Variants in FOXK1 observed in about 807,000 individuals in gnomAD.
FOXK1 encodes forkhead box protein K1.
FOXK1 carries 19 observed loss-of-function variants against 51.9 expected under a neutral mutation model. That is an observed-to-expected ratio of 0.37 (90% CI 0.26 to 0.54). FOXK1 has a LOEUF of 0.54. Ranked by LOEUF, FOXK1 falls within the 20% of genes least tolerant of loss-of-function variation. The pLI is 0.87. For missense variants in FOXK1, 870 were observed against 1,032.7 expected (o/e 0.84, Z 2.16); for synonymous variants, 537 against 482.6 (o/e 1.11, Z -1.48).
At chr7:4,719,814 C>A (rs1246494227) in intron 1 of FOXK1, among the ~76,000 whole-genome samples, 1 of 152,104 alleles carries the variant, frequency 6.6e-6, no homozygotes, top group East Asian at 1.9e-4. Flanking sequence ...GCTTATTTAC[C>A]ATCTGCAGAG....
chr7:4,706,842 C>A (rs796112411), intron 1 of FOXK1, among the ~76,000 whole-genome samples: 1 of 152,096 alleles, frequency 6.6e-6, no homozygotes, highest in Non-Finnish European at 1.5e-5. Context: ...GCCCGGATGC[C>A]GACCCCCAAT....
rs1583210955 is a variant in FOXK1 at position 4,755,107 on chromosome 7, C to G, written c.904-130C>G. ...GCACATTAATGGGATAGTTGGAGGG[C>G]ACTGGGACGGGTGCCGGCAAGACGC... is the stretch of plus-strand genomic sequence containing the variant. On this transcript the variant is annotated intron_variant, in intron 3 of 8. Coordinates refer to ENST00000328914, the MANE Select transcript of FOXK1 (RefSeq NM_001037165.2). The surrounding 1 kb of genome is among the most constrained non-coding windows in gnomAD (Gnocchi z 6.6). The G allele has an allele frequency of 1.7e-5, 19 of 1,145,982 alleles. No homozygotes were observed. The East Asian group carries it at 4.8e-4, about 29-fold the overall frequency. The allele number at this position is 1,145,982 out of a possible 1,614,324, so 71.0% of individuals were successfully genotyped here.
intron 1 of FOXK1, among the ~76,000 whole-genome samples, chr7:4,713,769 C>T (rs564549096): frequency 2.6e-5 from 4 of 151,896 alleles, no homozygotes; most frequent in Admixed American, 2.0e-4. Flanking sequence ...GGATTACAGG[C>T]GTGAGCCACC....
rs539227370 is a variant in FOXK1 at position 4,707,751 on chromosome 7, C to T, written c.560+24883C>T. Among the ~76,000 whole-genome samples the T allele has an allele frequency of 9.2e-5, 14 of 151,694 alleles. No individual in the cohort carries two copies. In the South Asian group the frequency reaches 1.9e-3, roughly 20 times the overall value. The stretch of plus-strand genomic sequence containing the variant: ...CCAGGCTGGAGTGCAGTGGCACGAT[C>T]GTGGCTCTCTGCAACCTCCGCCTCC... On this transcript the variant is annotated intron_variant, in intron 1 of 8. Coordinates refer to ENST00000328914, the MANE Select transcript of FOXK1 (RefSeq NM_001037165.2). The surrounding 1 kb of genome is among the most constrained non-coding windows in gnomAD (Gnocchi z 4.1).
rs557241891 is a variant in FOXK1 at position 4,749,162 on chromosome 7, C to A, written c.747-5297C>A. ...AATTCTTATTTTTTAATTTGAAGAG[C>A]GTGTTCTTGCTCTGCAGGTGTGCTT... On this transcript the variant is annotated intron_variant, in intron 2 of 8. Transcript: ENST00000328914. The surrounding 1 kb of genome is among the most constrained non-coding windows in gnomAD (Gnocchi z 6.0). Among the ~76,000 whole-genome samples the A allele has an allele frequency of 6.6e-6, 1 of 152,152 alleles. No homozygotes were observed. Among genetic ancestry groups the A allele is most frequent in the Non-Finnish European group, 1.5e-5 (1 of 68,030 alleles).
intron 1 of FOXK1, among the ~76,000 whole-genome samples, chr7:4,706,550 A>G (rs1203556277): frequency 6.6e-6 from 1 of 152,172 alleles, no homozygotes; most frequent in Non-Finnish European, 1.5e-5. Context: ...CCCTCCTATC[A>G]AGAAGGAACC....
rs747536757 is a variant in FOXK1, at chr7:4,754,533, C to T, written c.821C>T (p.Ser274Leu). 8 of 1,612,276 alleles carry T rather than the reference C, an allele frequency of 5.0e-6. No homozygotes were observed. The highest frequency in any genetic ancestry group is 1.1e-5 in the South Asian group (1 of 91,090). ...TACCGCTTTGTGCAGAACGTGACCT[C>T]GGACCTGCAGCTGGCAGCAGAGTTT... is the stretch of plus-strand genomic sequence containing the variant. The part of the protein sequence containing the change: ...SSYRFVQNVT[S>L]DLQLAAEFAA... Residue 274 changes from serine (S) to leucine (L), a missense_variant, in exon 3 of 9, where the codon TCG becomes TTG. Ser to Leu is a moderately radical substitution (Grantham distance 145, BLOSUM62 -2). Around this residue, in one of 3 missense-constraint regions of FOXK1, gnomAD observed 399 missense variants for 475.6 expected, o/e 0.84. Transcript: ENST00000328914.
Position 4,759,456 on chromosome 7 carries a change from C to G in FOXK1, c.1557C>G (p.Ala519=), listed in dbSNP as rs1458610975. Residue 519 remains alanine, a synonymous_variant, in exon 7 of 9, where the codon GCC becomes GCG. Coordinates refer to ENST00000328914, the MANE Select transcript of FOXK1 (RefSeq NM_001037165.2). ...AGHAIHVVQQ[A]PTVTMVRVVT... ...ACGCCATCCACGTCGTGCAGCAGGC[C>G]CCCACCGTCACCATGGTCAGGGTGG... 6.3e-7 allele frequency: 1 copy of G among 1,591,984 alleles called. No individual in the cohort carries two copies. Among genetic ancestry groups the G allele is most frequent in the African/African-American group, 1.3e-5 (1 of 74,642 alleles).
chr7:4,684,090 T>A (rs1378825247), intron 1 of FOXK1, among the ~76,000 whole-genome samples: 1 of 152,160 alleles, frequency 6.6e-6, no homozygotes, highest in African/African-American at 2.4e-5. Flanking sequence ...GTTCCCTCCT[T>A]TCCAGCTCCA....
At position 4,722,449 on chromosome 7, in the gene FOXK1, T is replaced by C. The variant is rs1780326610; in HGVS notation, c.561-18389T>C. 1.3e-5 allele frequency among the ~76,000 whole-genome samples: 2 copies of C among 152,322 alleles called. No individual in the cohort carries two copies. Among genetic ancestry groups the C allele is most frequent in the South Asian group, 4.1e-4 (2 of 4,832 alleles). ...GGCCAGAGGAGGTCCCGTGGCCAAG[T>C]GGCAGCGGTGCCGGACATACACGGC... On this transcript the variant is annotated intron_variant, in intron 1 of 8. Coordinates refer to ENST00000328914, the MANE Select transcript of FOXK1 (RefSeq NM_001037165.2). This position sits in a 1 kb window ranked among gnomAD's most constrained non-coding sequence, Gnocchi z 5.1.
chr7:4,682,858 C>T lies in FOXK1; in HGVS notation c.550C>T (p.Leu184=). Residue 184 remains leucine (L), a synonymous_variant, in exon 1 of 9, where the codon CTG becomes TTG. Transcript: ENST00000328914. The surrounding 1 kb of genome is among the most constrained non-coding windows in gnomAD (Gnocchi z 7.6). The part of the protein sequence containing the change: ...FQRRGAPALQ[L]PKQCTFRFPS... ...GAGACGCGGCGCGCCCGCCCTGCAG[C>T]TGCCCAAGCAGTGAGTGGCCCCGCG... 6.5e-7 allele frequency: 1 copy of T among 1,544,122 alleles called. No homozygotes were observed. The highest frequency in any genetic ancestry group is 1.2e-5 in the South Asian group (1 of 84,908).
rs1780039550 is a variant in FOXK1, at chr7:4,703,028, G to C, written c.560+20160G>C. Among the ~76,000 whole-genome samples, 1 of 152,188 alleles carries C rather than the reference G, an allele frequency of 6.6e-6. No individual in the cohort carries two copies. The highest frequency in any genetic ancestry group is 2.4e-5 in the African/African-American group (1 of 41,450). ...GTCTCCACCTAAAAGGCCGTCCTCA[G>C]CTCCCCCTGCCAGGTCCGGTTGGGG... is the stretch of plus-strand genomic sequence containing the variant. On this transcript the variant is annotated intron_variant, in intron 1 of 8. Coordinates refer to ENST00000328914, the MANE Select transcript of FOXK1 (RefSeq NM_001037165.2). This position sits in a 1 kb window ranked among gnomAD's most constrained non-coding sequence, Gnocchi z 5.6.
At position 4,731,016 on chromosome 7, in the gene FOXK1, C is replaced by G. The variant is rs1405650026; in HGVS notation, c.561-9822C>G. 1.3e-5 allele frequency among the ~76,000 whole-genome samples: 2 copies of G among 152,086 alleles called. No homozygotes were observed. Among genetic ancestry groups the G allele is most frequent in the South Asian group, 4.1e-4 (2 of 4,822 alleles). ...ACCCTGTCTCTACAAAAAATCAAAA[C>G]CATTTGCTGAACAGTCTTATTTCTC... On this transcript the variant is annotated intron_variant, in intron 1 of 8. Transcript: ENST00000328914. The surrounding 1 kb of genome is among the most constrained non-coding windows in gnomAD (Gnocchi z 5.3).
rs1446387595 is a variant in FOXK1 at position 4,723,007 on chromosome 7, CAA to C, written c.561-17830_561-17829del. Among the ~76,000 whole-genome samples, 1 of 152,098 alleles carries C rather than the reference CAA, an allele frequency of 6.6e-6. No homozygotes were observed. The highest frequency in any genetic ancestry group is 1.5e-5 in the Non-Finnish European group (1 of 68,010). On this transcript the variant is annotated intron_variant, in intron 1 of 8. Coordinates refer to ENST00000328914, the MANE Select transcript of FOXK1 (RefSeq NM_001037165.2). This position sits in a 1 kb window ranked among gnomAD's most constrained non-coding sequence, Gnocchi z 4.7. ...GGCACCCTCAGATCTGAGATCCAGA[CAA>C]GAGGCAGCGCTGGGTTCAGATCACC...
chr7:4,744,214 TTAAG>T (rs1357634008), intron 2 of FOXK1, among the ~76,000 whole-genome samples: 2 of 152,030 alleles, frequency 1.3e-5, no homozygotes, highest in Non-Finnish European at 2.9e-5. Context: ...TGCGAAGGAG[TTAAG>T]TGATACCTGT....
rs1456843762 is a variant in FOXK1, at chr7:4,748,679, C to G, written c.747-5780C>G. Reference sequence around the variant, plus strand: ...GTTTTACCAGAGTCCATCCCCCAGTCGCTTCCTGGGAAAGGGCACAGGAGA... The same window carrying G: ...GTTTTACCAGAGTCCATCCCCCAGTGGCTTCCTGGGAAAGGGCACAGGAGA... On this transcript the variant is annotated intron_variant, in intron 2 of 8. Coordinates refer to ENST00000328914, the MANE Select transcript of FOXK1 (RefSeq NM_001037165.2). This position sits in a 1 kb window ranked among gnomAD's most constrained non-coding sequence, Gnocchi z 4.9. 6.6e-6 allele frequency among the ~76,000 whole-genome samples: 1 copy of G among 152,184 alleles called. No homozygotes were observed. Among genetic ancestry groups the G allele is most frequent in the Non-Finnish European group, 1.5e-5 (1 of 68,042 alleles).
At chr7:4,742,440 A>G (rs911386076) in intron 2 of FOXK1, among the ~76,000 whole-genome samples, 10 of 152,084 alleles carry the variant, frequency 6.6e-5, no homozygotes, top group African/African-American at 2.4e-4. Flanking sequence ...TTTCAGAGAC[A>G]GCGTCTCACT....
rs1779936281 is a variant in FOXK1, at chr7:4,695,128, C to A, written c.560+12260C>A. 2.0e-5 allele frequency among the ~76,000 whole-genome samples: 3 copies of A among 152,232 alleles called. No individual in the cohort carries two copies. In the South Asian group the frequency reaches 6.2e-4, roughly 32 times the overall value. On this transcript the variant is annotated intron_variant, in intron 1 of 8. Transcript: ENST00000328914. ...CAAAGTTTGTGTCCGCTACCTCTGC[C>A]CTTGGGATGGAGCCATTCTGTCTGC...
intron 1 of FOXK1, among the ~76,000 whole-genome samples, chr7:4,697,155 G>A (rs1214937682): frequency 6.6e-6 from 1 of 152,194 alleles, no homozygotes; most frequent in Non-Finnish European, 1.5e-5. Context: ...GCCTGGGCAC[G>A]GCTGCACCTG....
Sources: allele counts gnomAD v4.1 joint callset (sites outside exome capture counted in the v4.1 genomes callset), GRCh38; gene constraint gnomAD v4.1.1; regional missense constraint gnomAD v4.1.1; non-coding constraint Gnocchi (gnomAD v3.1); transcripts MANE v1.5; gene names NCBI Gene and HGNC (gene_info 2026-07-23, HGNC 2026-07-21).